ACAP3: variants seen among roughly 807,000 people sequenced by gnomAD.
ACAP3 encodes the protein arf-GAP with coiled-coil, ANK repeat and PH domain-containing protein 3.
Under a neutral mutation model 104.1 loss-of-function variants are expected in ACAP3, and 56 were observed. The ratio of observed to expected loss-of-function variants is 0.54; its 90% CI spans 0.43 to 0.67. The LOEUF (loss-of-function observed/expected upper bound fraction) is 0.67, where lower values mean the gene tolerates loss of function less well. ACAP3 is among the 30% of genes least tolerant of loss of function. ACAP3 has a pLI of 0.00. For missense variants in ACAP3, 1,208 were observed against 1,174.9 expected (o/e 1.03, Z -0.41); for synonymous variants, 628 against 496.2 (o/e 1.27, Z -3.53).
In ACAP3 at chr1:1,300,224, G is replaced by A. The variant is rs75245886; in HGVS notation, c.523-22C>T. On this transcript the variant is annotated intron_variant, in intron 6 of 23. Coordinates refer to ENST00000354700, the MANE Select transcript of ACAP3 (RefSeq NM_030649.3). ...TGATCTGCCAGAGGGGGAGCCCACA[G>A]GTGAGCCCCGGAGGCTGAGGCAGCC... The A allele has an allele frequency of 5.5e-3, 8,824 of 1,590,722 alleles. 34 individuals carry two copies. The highest frequency in any genetic ancestry group is 6.3e-3 in the Non-Finnish European group (7,336 of 1,167,456).
chr1:1,296,823 G>A lies in ACAP3; in HGVS notation c.1129-190C>T, dbSNP rs578092596. 1.7e-4 allele frequency among the ~76,000 whole-genome samples: 21 copies of A among 125,660 alleles called. 1 individual carries two copies. Among genetic ancestry groups the A allele is most frequent in the African/African-American group, 5.9e-4 (18 of 30,620 alleles). The allele number at this position is 125,660 out of a possible 152,430, so 82.4% of individuals were successfully genotyped here. ...CCCCCTCGAGCACACGCCCGCACAC[G>A]CACACACGCGCACACCCTCACGTGG... On this transcript the variant is annotated intron_variant, in intron 14 of 23. Transcript: ENST00000354700.
intron 1 of ACAP3, among the ~76,000 whole-genome samples, 175 bp downstream of exon 1, chr1:1,307,594 C>A (rs1641795086): frequency 6.6e-6 from 1 of 152,162 alleles, no homozygotes; most frequent in Non-Finnish European, 1.5e-5. Flanking sequence ...GTCTTTTGTT[C>A]CAACCCCCGG....
Position 1,294,586 on chromosome 1 carries a change from T to TC in ACAP3, c.1954dup (p.Asp652GlyfsTer3). Reference sequence around the variant, plus strand: ...CAGGCCCCAGGCCTCGGCCTCAGTGTCCCCGTCTGCCTCACCGCTGGACTC... The same window carrying TC: ...CAGGCCCCAGGCCTCGGCCTCAGTGTCCCCCGTCTGCCTCACCGCTGGACTC... On this transcript the variant is annotated frameshift_variant, in exon 21 of 24. Coordinates refer to ENST00000354700, the MANE Select transcript of ACAP3 (RefSeq NM_030649.3). LOFTEE classifies it high-confidence loss of function. 1 of 1,515,622 alleles carries TC rather than the reference T, an allele frequency of 6.6e-7. No homozygotes were observed. The highest frequency in any genetic ancestry group is 8.8e-7 in the Non-Finnish European group (1 of 1,138,458). The allele number at this position is 1,515,622 out of a possible 1,614,324, so 93.9% of individuals were successfully genotyped here. A position where few individuals can be genotyped will look rare whatever the true frequency, so the allele number is the denominator to read the frequency against.
chr1:1,304,205 TC>T lies in ACAP3; in HGVS notation c.48-63del, dbSNP rs1049265198. On this transcript the variant is annotated intron_variant, in intron 1 of 23. Transcript: ENST00000354700. The stretch of plus-strand genomic sequence containing the variant: ...GCCTCAGCCCCCTCGGGGCTTCACC[TC>T]CCCCCGCACCTCCCTGAGGGGCTCC... 23 of 1,539,134 alleles carry T rather than the reference TC, an allele frequency of 1.5e-5. No homozygotes were observed. The Admixed American group carries it at 3.9e-4, about 26-fold the overall frequency.
intron 23 of ACAP3, 25 bp downstream of exon 23, chr1:1,293,798 G>C: frequency 2.8e-6 from 1 of 358,274 alleles, no homozygotes. Context: ...GCCCCGCCCA[G>C]CCCCGAGGGC....
intron 23 of ACAP3, 49 bp downstream of exon 23, chr1:1,293,773 GC>G (rs1640963380): frequency 7.1e-7 from 1 of 1,416,514 alleles, no homozygotes; most frequent in Non-Finnish European, 9.4e-7. Context: ...TGGAGGCCCC[GC>G]CCCTGCCCTG....
chr1:1,303,274 T>C lies in ACAP3; in HGVS notation c.113A>G (p.Lys38Arg), dbSNP rs764150221. 2 of 1,587,560 alleles carry C rather than the reference T, an allele frequency of 1.3e-6. No homozygotes were observed. The highest frequency in any genetic ancestry group is 3.6e-5 in the Admixed American group (2 of 56,186). ...GGCTTCCACCATGCCACTGCACAGC[T>C]TCACCAGCTGTGGGCCAGCGGGGCG... is the stretch of plus-strand genomic sequence containing the variant. ...EIEAKLDKLV[K>R]LCSGMVEAGK... is the part of the protein sequence containing the mutation. The change falls in exon 3 of 24, where the codon AAG becomes AGG. Residue 38 changes from lysine (K) to arginine (R), a missense_variant. Coordinates refer to ENST00000354700, the MANE Select transcript of ACAP3 (RefSeq NM_030649.3). The surrounding 1 kb of genome is among the most constrained non-coding windows in gnomAD (Gnocchi z 4.0).
intron 1 of ACAP3, chr1:1,305,671 G>A (rs1344123926): frequency 1.3e-5 from 2 of 152,464 alleles, no homozygotes; most frequent in Non-Finnish European, 2.9e-5. Context: ...CTCCTCTGCT[G>A]TGCTCAGCCC....
rs1191535014 is a variant in ACAP3, at chr1:1,294,496, G to A, written c.2045C>T (p.Pro682Leu). Residue 682 changes from proline (P) to leucine (L), a missense_variant, in exon 21 of 24, where the codon CCT (proline) becomes CTT (leucine). Coordinates refer to ENST00000354700, the MANE Select transcript of ACAP3 (RefSeq NM_030649.3). ...AHRAARARDL[P>L]ALAAALAHGA... ...GTGGGCCAGCGCCGCCGCCAGCGCA[G>A]GAAGGTCGCGGGCACGCGCTGCGCG... The A allele has an allele frequency of 1.3e-6, 2 of 1,537,572 alleles. No individual in the cohort carries two copies. Among genetic ancestry groups the A allele is most frequent in the East Asian group, 2.5e-5 (1 of 40,652 alleles).
At position 1,295,458 on chromosome 1, in the gene ACAP3, G is replaced by T. The variant is rs1641086448; in HGVS notation, c.1802C>A (p.Ala601Asp). 11 of 1,612,382 alleles carry T rather than the reference G, an allele frequency of 6.8e-6. No individual in the cohort carries two copies. The highest frequency in any genetic ancestry group is 9.3e-6 in the Non-Finnish European group (11 of 1,179,798). ...CACCCCACACTTACTGCGAGGGCCAGCCCCTGCGGCCCCTGCGTCGAAGTA... is the reference window on the plus strand; with the variant it reads ...CACCCCACACTTACTGCGAGGGCCATCCCCTGCGGCCCCTGCGTCGAAGTA... ...FSYFDAGAAG[A>D]GPRSLSSDSG... The change falls in exon 19 of 24, where the codon GCT (alanine) becomes GAT (aspartate). Residue 601 changes from alanine (A) to aspartate (D), a missense_variant. Coordinates refer to ENST00000354700, the MANE Select transcript of ACAP3 (RefSeq NM_030649.3).
Position 1,299,916 on chromosome 1 carries a change from T to C in ACAP3, c.664-11A>G, listed in dbSNP as rs780146783. On this transcript the variant is annotated splice_polypyrimidine_tract_variant and intron_variant, in intron 8 of 23. Coordinates refer to ENST00000354700, the MANE Select transcript of ACAP3 (RefSeq NM_030649.3). ...CACCAGCTGGTCCAGCTGTTGGGGG[T>C]GGCATTAGGGAAGGTCACGGAGGCC... 2.5e-6 allele frequency: 4 copies of C among 1,585,996 alleles called. No homozygotes were observed. Among genetic ancestry groups the C allele is most frequent in the Non-Finnish European group, 3.4e-6 (4 of 1,160,944 alleles).
chr1:1,295,626 G>A (rs1641098757), intron 18 of ACAP3, 72 bp from the exon 19 acceptor site: 2 of 1,566,158 alleles, frequency 1.3e-6, no homozygotes, highest in African/African-American at 1.4e-5. Context: ...GTCACGCCGG[G>A]AGTCTGCGGA....
At position 1,297,951 on chromosome 1, in the gene ACAP3, G is replaced by A; in HGVS notation, c.1017-18C>T. ...TGCAGCTCCTGCAGGCAGTGGAGGG[G>A]CGGGCGTCAGCTCCGGTGGGCAGGT... On this transcript the variant is annotated intron_variant, in intron 13 of 23. Coordinates refer to ENST00000354700, the MANE Select transcript of ACAP3 (RefSeq NM_030649.3). 1 of 1,611,218 alleles carries A rather than the reference G, an allele frequency of 6.2e-7. No homozygotes were observed. Among genetic ancestry groups the A allele is most frequent in the Non-Finnish European group, 8.5e-7 (1 of 1,179,150 alleles).
chr1:1,298,336 C>T (rs777648013), intron 12 of ACAP3, 34 bp downstream of exon 12: 6 of 1,605,818 alleles, frequency 3.7e-6, no homozygotes, highest in South Asian at 3.3e-5. Context: ...GGGCGTCCAG[C>T]CATCAGGGCC....
chr1:1,297,820 A>C lies in ACAP3; in HGVS notation c.1128+2T>G. 6.2e-7 allele frequency: 1 copy of C among 1,610,208 alleles called. No individual in the cohort carries two copies. The highest frequency in any genetic ancestry group is 8.5e-7 in the Non-Finnish European group (1 of 1,178,376). On this transcript the variant is annotated splice_donor_variant, in intron 14 of 23. Coordinates refer to ENST00000354700, the MANE Select transcript of ACAP3 (RefSeq NM_030649.3). LOFTEE classifies it high-confidence loss of function. ...TTGGGGCAGGGGCACCAAGGGCCAC[A>C]CCTCGCTATAGCAACTGTCAGGGCT...
rs561442639 is a variant in ACAP3 at position 1,303,082 on chromosome 1, C to T, written c.225+80G>A. 4.5e-6 allele frequency: 7 copies of T among 1,552,080 alleles called. No individual in the cohort carries two copies. The African/African-American group carries it at 5.4e-5, about 12-fold the overall frequency. On this transcript the variant is annotated intron_variant, in intron 3 of 23. Coordinates refer to ENST00000354700, the MANE Select transcript of ACAP3 (RefSeq NM_030649.3). This position sits in a 1 kb window ranked among gnomAD's most constrained non-coding sequence, Gnocchi z 4.0. ...GGTGCAGACACCGGCCTGCTTCTGG[C>T]CTGGACGCCCTCAAGGGGCTGCCTC...
At chr1:1,300,394 G>T (rs1296788051) in intron 6 of ACAP3, 115 bp downstream of exon 6, 3 of 1,299,268 alleles carry the variant, frequency 2.3e-6, no homozygotes, top group Admixed American at 2.6e-5. Flanking sequence ...TCCCACCCAT[G>T]GGCAAAGCAA....
chr1:1,300,720 G>C (rs768767758), intron 5 of ACAP3, 28 bp from the exon 6 acceptor site: 2 of 1,589,944 alleles, frequency 1.3e-6, no homozygotes, highest in Non-Finnish European at 8.5e-7. Context: ...GGTGGGGTGA[G>C]AGATCAGGGA....
In ACAP3 at chr1:1,304,081, T is replaced by A; in HGVS notation, c.105+5A>T. 6.4e-7 allele frequency: 1 copy of A among 1,550,610 alleles called. No homozygotes were observed. Among genetic ancestry groups the A allele is most frequent in the South Asian group, 1.2e-5 (1 of 84,068 alleles). On this transcript the variant is annotated splice_donor_5th_base_variant and intron_variant, in intron 2 of 23. Transcript: ENST00000354700. ...GGCACAGGGCGCTCCAGGCCCGCCC[T>A]TCACCTTGTCCAGTTTGGCCTCAAT...
Sources: gnomAD v4.1 joint callset for allele counts (sites outside exome capture counted in the v4.1 genomes callset) on GRCh38, gnomAD v4.1.1 for gene constraint, Gnocchi (gnomAD v3.1) non-coding constraint, MANE v1.5 for transcripts, NCBI Gene and HGNC (gene_info 2026-07-23, HGNC 2026-07-21) for gene names.